TOPBP1: variants seen among roughly 807,000 people sequenced by gnomAD.
TOPBP1 encodes DNA topoisomerase II binding protein 1.
In TOPBP1, 28 loss-of-function variants were observed where a neutral mutation model predicts 167.7. The observed-to-expected ratio is 0.17, with a 90% CI of 0.12 to 0.23. The LOEUF (loss-of-function observed/expected upper bound fraction) is 0.23. Among genes scored for constraint, TOPBP1 ranks in the 10% least tolerant of loss-of-function variants. TOPBP1 has a pLI of 1.00. For synonymous variants in TOPBP1, 598 were observed against 611.4 expected (o/e 0.98, Z 0.32); for missense variants, 1,554 against 1,809.6 (o/e 0.86, Z 2.56).
At chr3:133,607,710 C>A (rs922515428) in intron 27 of TOPBP1, among the ~76,000 whole-genome samples, 33 of 152,248 alleles carry the variant, frequency 2.2e-4, no homozygotes, top group African/African-American at 7.7e-4. Flanking sequence ...CAAAGAAATA[C>A]TACTCAGCAA....
rs768776895 is a variant in TOPBP1 at position 133,618,281 on chromosome 3, A to G, written c.3524T>C (p.Val1175Ala). The change falls in exon 21 of 28, where the codon GTT (valine) becomes GCT (alanine). Residue 1175 changes from valine (V) to alanine (A), a missense_variant. Physicochemically the swap from Val to Ala is moderately conservative, Grantham distance 64. Coordinates refer to ENST00000260810, the MANE Select transcript of TOPBP1 (RefSeq NM_007027.4). ...SCPTQYSELQVDIQNLEDSPF... is the reference protein window; with the variant it reads ...SCPTQYSELQADIQNLEDSPF... ...AGAATCCTCCAAGTTTTGAATGTCA[A>G]CCTGAAGCTCAGAGTATTGTGTGGG... 2 of 1,613,986 alleles carry G rather than the reference A, an allele frequency of 1.2e-6. No individual in the cohort carries two copies. The highest frequency in any genetic ancestry group is 1.1e-5 in the South Asian group (1 of 91,080).
intron 16 of TOPBP1, among the ~76,000 whole-genome samples, chr3:133,625,418 CT>C (rs1935236087): frequency 6.6e-6 from 1 of 152,122 alleles, no homozygotes; most frequent in African/African-American, 2.4e-5. Context: ...TATCTCTGAG[CT>C]TTTTAAATAG....
At chr3:133,616,277 G>A (rs1219093425) in intron 23 of TOPBP1, among the ~76,000 whole-genome samples, 4 of 148,826 alleles carry the variant, frequency 2.7e-5, no homozygotes, top group Non-Finnish European at 4.5e-5. Flanking sequence ...GTGCCTCTAC[G>A]TCTCGCAAAT....
chr3:133,652,324 G>T, intron 8 of TOPBP1, 139 bp downstream of exon 8: 1 of 798,758 alleles, frequency 1.3e-6, no homozygotes, highest in Non-Finnish European at 2.0e-6. Context: ...ACATGGTCTA[G>T]TAAGTGCATC....
chr3:133,643,024 G>A (rs1297273851), intron 12 of TOPBP1, among the ~76,000 whole-genome samples, 176 bp downstream of exon 12: 2 of 151,658 alleles, frequency 1.3e-5, no homozygotes, highest in Non-Finnish European at 2.9e-5. Context: ...GACAACAGAG[G>A]CACTTTTTTT....
chr3:133,614,827 T>TGGGGTGG (rs1205512706), intron 23 of TOPBP1, among the ~76,000 whole-genome samples: 6 of 110,524 alleles, frequency 5.4e-5, no homozygotes, highest in African/African-American at 1.7e-4. Flanking sequence ...GGGCCTGTCC[T>TGGGGTGG]GGGGTGGGGG....
intron 27 of TOPBP1, among the ~76,000 whole-genome samples, chr3:133,606,922 TACAC>T (rs369226982): frequency 6.6e-6 from 1 of 151,562 alleles, no homozygotes; most frequent in African/African-American, 2.4e-5. Flanking sequence ...AAATATTAAA[TACAC>T]ACACACACAC....
intron 4 of TOPBP1, 149 bp downstream of exon 4, chr3:133,657,649 A>C (rs1211092816): frequency 8.4e-6 from 4 of 476,430 alleles, no homozygotes; most frequent in East Asian, 7.3e-5. Flanking sequence ...ACATGTATAC[A>C]TATATACACA....
At chr3:133,613,219 A>C (rs577393066) in intron 23 of TOPBP1, among the ~76,000 whole-genome samples, 4 of 152,324 alleles carry the variant, frequency 2.6e-5, no homozygotes, top group African/African-American at 9.6e-5. Context: ...TAAGTATTTC[A>C]GTATGCATCT....
chr3:133,602,723 C>T (rs569302958), intron 27 of TOPBP1, among the ~76,000 whole-genome samples: 1 of 152,112 alleles, frequency 6.6e-6, no homozygotes, highest in Non-Finnish European at 1.5e-5. Context: ...GCAAAAGCAG[C>T]CATAGAAAAT....
At position 133,630,189 on chromosome 3, in the gene TOPBP1, T is replaced by C. The variant is rs540792878; in HGVS notation, c.2521-1456A>G. On this transcript the variant is annotated intron_variant, in intron 14 of 27. Transcript: ENST00000260810. ...CTTTTTTTTAATATATTCGCTTGTA[T>C]GAATATACTTTTATATTCATTTGTA... 2.9e-4 allele frequency among the ~76,000 whole-genome samples: 44 copies of C among 152,320 alleles called. 1 individual carries two copies. The highest frequency in any genetic ancestry group is 9.1e-4 in the African/African-American group (38 of 41,574).
intron 16 of TOPBP1, among the ~76,000 whole-genome samples, chr3:133,624,714 T>C (rs769336168): frequency 2.6e-5 from 4 of 152,198 alleles, no homozygotes; most frequent in Non-Finnish European, 5.9e-5. Flanking sequence ...GCCCTCCAGT[T>C]GCTGGCAGTC....
chr3:133,656,716 G>A lies in TOPBP1; in HGVS notation c.505C>T (p.Pro169Ser), dbSNP rs1936488745. The change falls in exon 5 of 28, where the codon CCC becomes TCC. Residue 169 changes from proline (P) to serine (S), a missense_variant. Transcript: ENST00000260810. ...TCCCAAAGTGTTTTTATCCAAGAGG[G>A]AAGCAAAATAGGTTTCTTCAGGTTT... ...AANLKKPILL[P>S]SWIKTLWEKS... 6.2e-7 allele frequency: 1 copy of A among 1,610,420 alleles called. No individual in the cohort carries two copies. The highest frequency in any genetic ancestry group is 2.2e-5 in the East Asian group (1 of 44,692).
At position 133,656,757 on chromosome 3, in the gene TOPBP1, T is replaced by A. The variant is rs1936489713; in HGVS notation, c.464A>T (p.Lys155Ile). 1 of 1,612,724 alleles carries A rather than the reference T, an allele frequency of 6.2e-7. No homozygotes were observed. The highest frequency in any genetic ancestry group is 1.1e-5 in the South Asian group (1 of 90,868). ...HLIAGEVGSKKYLVAANLKKP... is the reference protein window; with the variant it reads ...HLIAGEVGSKIYLVAANLKKP... ...CTTCAGGTTTGCAGCAACTAAATAT[T>A]TTTTGCTACCAACTTCTCCTGCAAT... is the stretch of plus-strand genomic sequence containing the variant. The change falls in exon 5 of 28, where the codon AAA becomes ATA. Residue 155 changes from lysine (K) to isoleucine (I), a missense_variant. Coordinates refer to ENST00000260810, the MANE Select transcript of TOPBP1 (RefSeq NM_007027.4).
chr3:133,634,911 C>G (rs536348692), intron 14 of TOPBP1, among the ~76,000 whole-genome samples: 1 of 151,880 alleles, frequency 6.6e-6, no homozygotes, highest in Non-Finnish European at 1.5e-5. Context: ...AAGACCAAAA[C>G]GAGGGTGGGG....
In TOPBP1 at chr3:133,638,201, T is replaced by C. The variant is rs373241770; in HGVS notation, c.2234-39A>G. The C allele has an allele frequency of 6.4e-6, 10 of 1,574,572 alleles. No homozygotes were observed. In the Admixed American group the frequency reaches 1.0e-4, roughly 16 times the overall value. ...ATGAAAAGAAACAAATATGAGCCAC[T>C]AATGCCCACTTTTTCCCGGTACACA... On this transcript the variant is annotated intron_variant, in intron 13 of 27. Coordinates refer to ENST00000260810, the MANE Select transcript of TOPBP1 (RefSeq NM_007027.4).
chr3:133,654,647 T>C (rs1046224639), intron 6 of TOPBP1, among the ~76,000 whole-genome samples: 3 of 152,248 alleles, frequency 2.0e-5, no homozygotes, highest in Non-Finnish European at 4.4e-5. Context: ...TCATCTTTTA[T>C]CAATTTGTGT....
intron 19 of TOPBP1, among the ~76,000 whole-genome samples, chr3:133,622,086 G>C (rs1424651921): frequency 6.7e-6 from 1 of 150,190 alleles, no homozygotes; most frequent in Non-Finnish European, 1.5e-5. Context: ...GAAAGAAAAA[G>C]ACTAAAGAAG....
chr3:133,643,666 A>G (rs1481839230), intron 11 of TOPBP1, among the ~76,000 whole-genome samples: 1 of 151,984 alleles, frequency 6.6e-6, no homozygotes, highest in Admixed American at 6.6e-5. Context: ...ATTAGTTTAT[A>G]CTATTTTTCT....
Sources: gnomAD v4.1 joint callset for allele counts (sites outside exome capture counted in the v4.1 genomes callset) on GRCh38, gnomAD v4.1.1 for gene constraint, MANE v1.5 for transcripts, NCBI Gene and HGNC (gene_info 2026-07-23, HGNC 2026-07-21) for gene names.